TTC13: variants seen among roughly 807,000 people sequenced by gnomAD.
TTC13 encodes tetratricopeptide repeat protein 13.
Under a neutral mutation model 120.0 loss-of-function variants are expected in TTC13, and 62 were observed. That is an observed-to-expected ratio of 0.52 (90% CI 0.42 to 0.64). The LOEUF is 0.64. Ranked by LOEUF, TTC13 falls within the 30% of genes least tolerant of loss-of-function variation. The pLI, the probability that TTC13 is intolerant of heterozygous loss-of-function variation, is 0.00. For synonymous variants in TTC13, 384 were observed against 393.5 expected, an observed-to-expected ratio of 0.98 and a Z score of 0.28; for missense variants, 824 against 1,050.2, an observed-to-expected ratio of 0.78 and a Z score of 2.98.
At chr1:230,977,108 T>C (rs531161352) in intron 1 of TTC13, among the ~76,000 whole-genome samples, 8 of 152,182 alleles carry the variant, frequency 5.3e-5, no homozygotes, top group Non-Finnish European at 1.0e-4. Context: ...CTCAAGAAGA[T>C]GACAATTTCA....
intron 1 of TTC13, among the ~76,000 whole-genome samples, chr1:230,971,416 A>C (rs58909290): frequency 1.3e-5 from 2 of 151,774 alleles, no homozygotes; most frequent in African/African-American, 4.8e-5. Flanking sequence ...GCCCCGAAAT[A>C]TGGTCCCAAG....
At chr1:230,953,279 G>A (rs1386910301) in intron 4 of TTC13, among the ~76,000 whole-genome samples, 1 of 152,132 alleles carries the variant, frequency 6.6e-6, no homozygotes, top group African/African-American at 2.4e-5. Context: ...AATTGTTTGA[G>A]AATGAAGATA....
At chr1:230,965,328 C>T (rs140665194) in intron 1 of TTC13, among the ~76,000 whole-genome samples, 2 of 152,272 alleles carry the variant, frequency 1.3e-5, no homozygotes, top group African/African-American at 4.8e-5. Flanking sequence ...TTTGAATAGA[C>T]ATTTCTTAAG....
intron 6 of TTC13, among the ~76,000 whole-genome samples, chr1:230,941,337 C>T (rs1291516940): frequency 6.6e-6 from 1 of 152,108 alleles, no homozygotes; most frequent in Admixed American, 6.6e-5. Context: ...ACTCTGTCAC[C>T]CAAGCTGGAA....
At chr1:230,977,802 G>T (rs151322454) in intron 1 of TTC13, among the ~76,000 whole-genome samples, 39 of 152,292 alleles carry the variant, frequency 2.6e-4, no homozygotes, top group African/African-American at 8.4e-4. Flanking sequence ...ATGTACACAC[G>T]TATTTTGTCC....
chr1:230,958,302 G>A lies in TTC13; in HGVS notation c.367-3C>T, dbSNP rs1248472223. The A allele has an allele frequency of 6.5e-6, 10 of 1,529,294 alleles. No individual in the cohort carries two copies. Among genetic ancestry groups the A allele is most frequent in the Non-Finnish European group, 7.9e-6 (9 of 1,145,918 alleles). The allele number at this position is 1,529,294 out of a possible 1,614,324, so 94.7% of individuals were successfully genotyped here. A position where few individuals can be genotyped will look rare whatever the true frequency, so the allele number is the denominator to read the frequency against. The stretch of plus-strand genomic sequence containing the variant: ...TCTGCAATAGACTTGGCCTGGCTCT[G>A]GGAAAAAAAAAAAAAAAACCCATAC... On this transcript the variant is annotated splice_region_variant and splice_polypyrimidine_tract_variant and intron_variant, in intron 2 of 22. Transcript: ENST00000366661.
At position 230,978,860 on chromosome 1, in the gene TTC13, T is replaced by TTGCCCGGCTCTCAGGCC; in HGVS notation, c.-31_-30insGGCCTGAGAGCCGGGCA. ...CCTCAAGGCGCATGCGCGACAGCCCTTGCCCGGCTCTCAGGCCTCCCCGCC... is the reference window on the plus strand; with the variant it reads ...CCTCAAGGCGCATGCGCGACAGCCCTTGCCCGGCTCTCAGGCCTGCCCGGCTCTCAGGCCTCCCCGCC... On this transcript the variant is annotated 5_prime_UTR_variant, in exon 1 of 23. Coordinates refer to ENST00000366661, the MANE Select transcript of TTC13 (RefSeq NM_024525.5). The surrounding 1 kb of genome is among the most constrained non-coding windows in gnomAD (Gnocchi z 5.6). 1 of 1,442,846 alleles carries TTGCCCGGCTCTCAGGCC rather than the reference T, an allele frequency of 6.9e-7. No individual in the cohort carries two copies. Among genetic ancestry groups the TTGCCCGGCTCTCAGGCC allele is most frequent in the Non-Finnish European group, 9.0e-7 (1 of 1,108,558 alleles). The allele number at this position is 1,442,846 out of a possible 1,614,324, so 89.4% of individuals were successfully genotyped here.
intron 10 of TTC13, 74 bp from the exon 11 acceptor site, chr1:230,931,546 A>T: frequency 1.3e-6 from 2 of 1,554,964 alleles, no homozygotes; most frequent in Admixed American, 3.6e-5. Flanking sequence ...TTACTCTGGA[A>T]TTAGTTTTCC....
chr1:230,923,991 A>G lies in TTC13; in HGVS notation c.1722-58T>C, dbSNP rs1572199468. 3.6e-6 allele frequency: 5 copies of G among 1,386,556 alleles called. No individual in the cohort carries two copies. In the East Asian group the frequency reaches 1.2e-4, roughly 33 times the overall value. 85.9% of individuals were successfully genotyped at this position (1,386,556 alleles called of 1,614,324 possible). A position where few individuals can be genotyped will look rare whatever the true frequency, so the allele number is the denominator to read the frequency against. On this transcript the variant is annotated intron_variant, in intron 14 of 22. Coordinates refer to ENST00000366661, the MANE Select transcript of TTC13 (RefSeq NM_024525.5). ...TGTTCAGAAGCATTCCAAATAAAACATGTAGAAGTGTTTGCAAAGGTGGGG... is the reference window on the plus strand; with the variant it reads ...TGTTCAGAAGCATTCCAAATAAAACGTGTAGAAGTGTTTGCAAAGGTGGGG...
At chr1:230,931,697 G>A in intron 10 of TTC13, 39 bp downstream of exon 10, 5 of 1,607,346 alleles carry the variant, frequency 3.1e-6, no homozygotes, top group Non-Finnish European at 4.3e-6. Flanking sequence ...GAATAATCCA[G>A]TAATTCCAAT....
At chr1:230,908,584 T>C in intron 22 of TTC13, 128 bp downstream of exon 22, 1 of 704,018 alleles carries the variant, frequency 1.4e-6, no homozygotes, top group Non-Finnish European at 2.4e-6. Flanking sequence ...TTAAATTCAT[T>C]GTATTACATA....
At chr1:230,935,682 C>G (rs999773137) in intron 8 of TTC13, among the ~76,000 whole-genome samples, 1 of 152,052 alleles carries the variant, frequency 6.6e-6, no homozygotes, top group Admixed American at 6.5e-5. Flanking sequence ...GCAGTGAGGA[C>G]TGGGGGGCTT....
rs1456451574 is a variant in TTC13, at chr1:230,978,389, G to A, written c.271+171C>T. On this transcript the variant is annotated intron_variant, in intron 1 of 22. Coordinates refer to ENST00000366661, the MANE Select transcript of TTC13 (RefSeq NM_024525.5). This position sits in a 1 kb window ranked among gnomAD's most constrained non-coding sequence, Gnocchi z 5.6. ...CTGCAGGAGGGCGCGCGGCGGCGTG[G>A]GTGGCAGCGGCGGGAAGCTGCCCGC... 6.6e-6 allele frequency among the ~76,000 whole-genome samples: 1 copy of A among 151,796 alleles called. No homozygotes were observed. Among genetic ancestry groups the A allele is most frequent in the Non-Finnish European group, 1.5e-5 (1 of 67,880 alleles).
intron 18 of TTC13, among the ~76,000 whole-genome samples, chr1:230,914,227 T>C (rs916181899): frequency 6.6e-6 from 1 of 152,010 alleles, no homozygotes; most frequent in African/African-American, 2.4e-5. Flanking sequence ...ACTGCATGGA[T>C]CCACTTATAC....
Position 230,929,023 on chromosome 1 carries a change from A to G in TTC13, c.1371T>C (p.Pro457=), listed in dbSNP as rs1281453627. The G allele has an allele frequency of 2.5e-6, 4 of 1,614,206 alleles. No individual in the cohort carries two copies. The highest frequency in any genetic ancestry group is 1.7e-5 in the Admixed American group (1 of 60,026). The part of the protein sequence containing the change: ...LTEYNIDVDL[P]GSFKDHWAKN... ...TAGCCCAGTGGTCCTTAAAGCTTCC[A>G]GGCAGATCCACATCAATGTTATATT... Residue 457 remains proline, a synonymous_variant, in exon 12 of 23, where the codon CCT becomes CCC. Coordinates refer to ENST00000366661, the MANE Select transcript of TTC13 (RefSeq NM_024525.5).
At position 230,941,275 on chromosome 1, in the gene TTC13, G is replaced by C. The variant is rs112253872; in HGVS notation, c.673-719C>G. Among the ~76,000 whole-genome samples, 536 of 152,276 alleles carry C rather than the reference G, an allele frequency of 3.5e-3. 5 individuals are homozygous for C. Among genetic ancestry groups the C allele is most frequent in the African/African-American group, 0.012 (509 of 41,544 alleles). ...TAAGCCCAAGCACTTTATCCTGAAT[G>C]AACGTCCTTAAATTAGGGTTTATTT... On this transcript the variant is annotated intron_variant, in intron 6 of 22. Transcript: ENST00000366661.
At position 230,945,393 on chromosome 1, in the gene TTC13, A is replaced by G. The variant is rs1674893134; in HGVS notation, c.575T>C (p.Leu192Pro). The stretch of plus-strand genomic sequence containing the variant: ...TCGTAACTATTACATACTCACATGT[A>G]GTCCCTTCTTTCCATAGGCTATCCC... ...GRGIAYGKKG[L>P]HDIKNAELAL... Residue 192 changes from leucine (L) to proline (P), a missense_variant, in exon 5 of 23, where the codon CTA becomes CCA. Coordinates refer to ENST00000366661, the MANE Select transcript of TTC13 (RefSeq NM_024525.5). The G allele has an allele frequency of 6.2e-7, 1 of 1,613,930 alleles. No homozygotes were observed. The highest frequency in any genetic ancestry group is 2.2e-5 in the East Asian group (1 of 44,874).
chr1:230,978,760 C>A lies in TTC13; in HGVS notation c.71G>T (p.Arg24Leu), dbSNP rs1457534820. 6.7e-7 allele frequency: 1 copy of A among 1,499,908 alleles called. No homozygotes were observed. Among genetic ancestry groups the A allele is most frequent in the Non-Finnish European group, 8.8e-7 (1 of 1,134,068 alleles). 92.9% of individuals were successfully genotyped at this position (1,499,908 alleles called of 1,614,324 possible). A position where few individuals can be genotyped will look rare whatever the true frequency, so the allele number is the denominator to read the frequency against. Residue 24 changes from arginine (R) to leucine (L), a missense_variant, in exon 1 of 23, where the codon CGG becomes CTG. Physicochemically the swap from Arg to Leu is moderately radical, Grantham distance 102 (BLOSUM62 -2). Transcript: ENST00000366661. This position sits in a 1 kb window ranked among gnomAD's most constrained non-coding sequence, Gnocchi z 5.6. ...CAGCAGCAGCAGCAGCAGGACACGC[C>A]GGGCGGCGCCCGCGGCGGCCACAGC... ...GGAVAAAGAA[R>L]RVLLLLLLGV...
chr1:230,949,685 G>A (rs1293938700), intron 4 of TTC13, among the ~76,000 whole-genome samples: 3 of 151,082 alleles, frequency 2.0e-5, no homozygotes, highest in African/African-American at 4.9e-5. Flanking sequence ...TCTCGCTGTC[G>A]CCCAGGCTGG....
Sources: allele counts gnomAD v4.1 joint callset (sites outside exome capture counted in the v4.1 genomes callset), GRCh38; gene constraint gnomAD v4.1.1; non-coding constraint Gnocchi (gnomAD v3.1); transcripts MANE v1.5; gene names NCBI Gene and HGNC (gene_info 2026-07-23, HGNC 2026-07-21).